Variants in WWOX observed in about 807,000 individuals in gnomAD.
WWOX encodes WW domain containing oxidoreductase.
A neutral mutation model predicts 46.2 loss-of-function variants in WWOX; 69 were observed. The observed-to-expected ratio is 1.49, with a 90% CI of 1.23 to 1.82. The LOEUF (loss-of-function observed/expected upper bound fraction) is 1.82. WWOX is among the 40% of genes most tolerant of loss of function. The pLI is 0.00. For missense variants in WWOX, 919 were observed against 542.6 expected, an observed-to-expected ratio of 1.69 and a Z score of -6.89; for synonymous variants, 359 against 202.6, an observed-to-expected ratio of 1.77 and a Z score of -6.56.
chr16:79,136,673 C>T (rs1330840562), intron 8 of WWOX, among the ~76,000 whole-genome samples: 1 of 152,150 alleles, frequency 6.6e-6, no homozygotes. Flanking sequence ...GCACCAGTTC[C>T]TCACCGGGTC....
At chr16:78,754,295 T>A (rs894200365) in intron 8 of WWOX, among the ~76,000 whole-genome samples, 3 of 152,100 alleles carry the variant, frequency 2.0e-5, no homozygotes, top group African/African-American at 4.8e-5. Context: ...TCAGTGAGTT[T>A]CAGGAAGAAG....
intron 8 of WWOX, chr16:79,196,311 G>C (rs2051239130): frequency 6.6e-6 from 1 of 152,164 alleles, no homozygotes; most frequent in Non-Finnish European, 1.5e-5. Context: ...CACAATGAGA[G>C]ACCAAGTTGA....
chr16:78,283,996 C>G (rs2079728076), intron 5 of WWOX, among the ~76,000 whole-genome samples: 1 of 152,184 alleles, frequency 6.6e-6, no homozygotes, highest in Admixed American at 6.5e-5. Context: ...TGAATTATCA[C>G]AAATAACATT....
intron 8 of WWOX, among the ~76,000 whole-genome samples, chr16:78,881,234 GC>G (rs1473408605): frequency 6.6e-6 from 1 of 151,992 alleles, no homozygotes; most frequent in African/African-American, 2.4e-5. Context: ...AAACTCCTGG[GC>G]TCAAGCGATT....
chr16:78,973,947 C>T (rs77313634), intron 8 of WWOX, among the ~76,000 whole-genome samples: 1 of 152,184 alleles, frequency 6.6e-6, no homozygotes, highest in African/African-American at 2.4e-5. Flanking sequence ...TTTAACATTA[C>T]CTATCCTACG....
intron 8 of WWOX, among the ~76,000 whole-genome samples, chr16:78,789,347 A>C (rs979582287): frequency 2.0e-5 from 3 of 152,194 alleles, no homozygotes; most frequent in South Asian, 4.1e-4. Context: ...TAGGCATTCA[A>C]CTTTGTTCTT....
At position 79,041,952 on chromosome 16, in the gene WWOX, G is replaced by C. The variant is rs112365329; in HGVS notation, c.1057-169656G>C. 3.2e-4 allele frequency among the ~76,000 whole-genome samples: 48 copies of C among 152,160 alleles called. 1 individual carries two copies. The highest frequency in any genetic ancestry group is 1.1e-3 in the African/African-American group (47 of 41,506). On this transcript the variant is annotated intron_variant, in intron 8 of 8. Transcript: ENST00000566780. ...AAGAGTCTTGGTGGTTTCTTGTGTG[G>C]AAATGAATGGGAAGTTCACCCTGGT...
At chr16:78,283,630 C>T (rs967381894) in intron 5 of WWOX, among the ~76,000 whole-genome samples, 1 of 151,830 alleles carries the variant, frequency 6.6e-6, no homozygotes, top group African/African-American at 2.4e-5. Flanking sequence ...TTTCCTGTGG[C>T]TCTCCTCCTT....
intron 8 of WWOX, among the ~76,000 whole-genome samples, chr16:78,807,076 C>T (rs1039529325): frequency 6.6e-6 from 1 of 152,188 alleles, no homozygotes; most frequent in African/African-American, 2.4e-5. Context: ...CAAGCATCCA[C>T]CAAGTGCCTG....
At chr16:78,739,347 G>A (rs1170621152) in intron 8 of WWOX, among the ~76,000 whole-genome samples, 1 of 152,136 alleles carries the variant, frequency 6.6e-6, no homozygotes, top group African/African-American at 2.4e-5. Context: ...GCAGCAGAGG[G>A]CATTAGGATC....
At chr16:79,082,631 A>C (rs1486859456) in intron 8 of WWOX, among the ~76,000 whole-genome samples, 1 of 152,096 alleles carries the variant, frequency 6.6e-6, no homozygotes, top group East Asian at 1.9e-4. Flanking sequence ...TTCATCCTAT[A>C]CCTATAGTTA....
chr16:78,859,460 A>C (rs1215493417), intron 8 of WWOX, among the ~76,000 whole-genome samples: 1 of 152,146 alleles, frequency 6.6e-6, no homozygotes, highest in African/African-American at 2.4e-5. Context: ...AGCTTTTTTT[A>C]CAGTGTTAAA....
At chr16:78,190,638 C>T (rs1398559428) in intron 5 of WWOX, among the ~76,000 whole-genome samples, 2 of 152,160 alleles carry the variant, frequency 1.3e-5, no homozygotes, top group African/African-American at 2.4e-5. Flanking sequence ...TGCATCCTTT[C>T]AGGGTCTGAC....
intron 5 of WWOX, chr16:78,270,169 G>C (rs566885487): frequency 2.0e-5 from 3 of 152,124 alleles, no homozygotes; most frequent in African/African-American, 7.2e-5. Flanking sequence ...TGTGATTAAG[G>C]TAATGCTAGT....
intron 8 of WWOX, among the ~76,000 whole-genome samples, chr16:78,538,036 C>G (rs2043801431): frequency 6.6e-6 from 1 of 152,002 alleles, no homozygotes; most frequent in Admixed American, 6.6e-5. Context: ...TAGGGCAAAT[C>G]ATGAACACTG....
intron 4 of WWOX, chr16:78,124,158 A>G (rs1403283313): frequency 1.3e-5 from 2 of 152,186 alleles, no homozygotes; most frequent in East Asian, 3.9e-4. Context: ...TATATTATAT[A>G]CTTTTATTTA....
chr16:78,828,893 T>C (rs563663801), intron 8 of WWOX, among the ~76,000 whole-genome samples: 2 of 152,320 alleles, frequency 1.3e-5, no homozygotes, highest in Admixed American at 6.5e-5. Flanking sequence ...TCCTAAAATG[T>C]AGATGTAGTT....
intron 8 of WWOX, among the ~76,000 whole-genome samples, chr16:78,656,738 G>A (rs1408182750): frequency 1.3e-5 from 2 of 152,176 alleles, no homozygotes; most frequent in South Asian, 2.1e-4. Context: ...ACATCCTCGT[G>A]GATCTTCCTG....
intron 8 of WWOX, among the ~76,000 whole-genome samples, chr16:79,148,038 C>T (rs2050211947): frequency 6.6e-6 from 1 of 152,090 alleles, no homozygotes; most frequent in Non-Finnish European, 1.5e-5. Context: ...TTTTCATCAT[C>T]TTTACATGGA....
Sources: allele counts gnomAD v4.1 joint callset (sites outside exome capture counted in the v4.1 genomes callset), GRCh38; gene constraint gnomAD v4.1.1; transcripts MANE v1.5; gene names NCBI Gene and HGNC (gene_info 2026-07-23, HGNC 2026-07-21).